Variants in PDE4D observed in about 807,000 individuals in gnomAD.
The protein encoded by PDE4D is 3',5'-cyclic-AMP phosphodiesterase 4D.
A neutral mutation model predicts 87.4 loss-of-function variants in PDE4D; 24 were observed. The observed-to-expected ratio is 0.27, with a 90% confidence interval of 0.20 to 0.39. The LOEUF (loss-of-function observed/expected upper bound fraction) is 0.39, where lower values mean the gene tolerates loss of function less well. Among genes scored for constraint, PDE4D ranks in the 10% least tolerant of loss-of-function variants. The pLI is 1.00. For missense variants in PDE4D, 714 were observed against 1,041.0 expected (o/e 0.69, Z 4.32); for synonymous variants, 384 against 383.2 (o/e 1.00, Z -0.02).
intron 2 of PDE4D, among the ~76,000 whole-genome samples, chr5:60,169,210 C>A (rs753138430): frequency 6.6e-5 from 10 of 151,942 alleles, no homozygotes; most frequent in Non-Finnish European, 1.2e-4. Context: ...AAGAGAAAAA[C>A]CATAAGAATG....
chr5:59,709,344 C>A (rs530996271), intron 1 of PDE4D, among the ~76,000 whole-genome samples: 55 of 152,254 alleles, frequency 3.6e-4, no homozygotes, highest in African/African-American at 1.3e-3. Flanking sequence ...AGTTATTTCA[C>A]AGCTGAAAGC....
chr5:60,138,185 T>C (rs1780214991), intron 2 of PDE4D, among the ~76,000 whole-genome samples: 1 of 152,176 alleles, frequency 6.6e-6, no homozygotes, highest in Non-Finnish European at 1.5e-5. Context: ...TTGGTTACTG[T>C]ATTCCTGTAG....
chr5:60,457,570 T>C (rs1483904689), intron 1 of PDE4D, among the ~76,000 whole-genome samples: 1 of 152,190 alleles, frequency 6.6e-6, no homozygotes, highest in Non-Finnish European at 1.5e-5. Context: ...TTATTCTTCC[T>C]ATGTAAGAGT....
intron 1 of PDE4D, among the ~76,000 whole-genome samples, chr5:59,814,514 T>TGGTGGC (rs1768755855): frequency 6.6e-6 from 1 of 151,980 alleles, no homozygotes; most frequent in African/African-American, 2.4e-5. Context: ...TGCCAGTGAG[T>TGGTGGC]CACATGCAGG....
chr5:60,190,500 T>G (rs756247502), intron 1 of PDE4D, among the ~76,000 whole-genome samples: 3 of 152,198 alleles, frequency 2.0e-5, no homozygotes, highest in Non-Finnish European at 2.9e-5. Flanking sequence ...TAGAGTGCTG[T>G]TTATCTGAAG....
chr5:60,052,467 G>T (rs1383858583), intron 2 of PDE4D, among the ~76,000 whole-genome samples: 1 of 152,070 alleles, frequency 6.6e-6, no homozygotes, highest in African/African-American at 2.4e-5. Flanking sequence ...ATGCAGAAAA[G>T]GCCTTTGATA....
At chr5:59,799,571 T>G (rs996144588) in intron 1 of PDE4D, among the ~76,000 whole-genome samples, 4 of 152,178 alleles carry the variant, frequency 2.6e-5, no homozygotes, top group African/African-American at 9.7e-5. Context: ...TGGTTATAAG[T>G]GACTTTTAGA....
chr5:59,509,564 T>A (rs1011864560), intron 1 of PDE4D, among the ~76,000 whole-genome samples: 1 of 151,662 alleles, frequency 6.6e-6, no homozygotes, highest in Non-Finnish European at 1.5e-5. Context: ...TCTATTCTTT[T>A]GTATTTTCTC....
intron 1 of PDE4D, among the ~76,000 whole-genome samples, chr5:59,682,257 T>C (rs1412855485): frequency 1.3e-5 from 2 of 152,238 alleles, no homozygotes; most frequent in Non-Finnish European, 2.9e-5. Flanking sequence ...AAATGCTTTT[T>C]AATTACAAAG....
chr5:59,716,915 T>C (rs1398411997), intron 1 of PDE4D, among the ~76,000 whole-genome samples: 1 of 152,202 alleles, frequency 6.6e-6, no homozygotes, highest in Non-Finnish European at 1.5e-5. Context: ...TCACGACAGC[T>C]GTACACTCTA....
At chr5:60,106,545 C>T (rs565669274) in intron 2 of PDE4D, among the ~76,000 whole-genome samples, 1 of 152,154 alleles carries the variant, frequency 6.6e-6, no homozygotes, top group Admixed American at 6.5e-5. Flanking sequence ...CCCAAATCAA[C>T]AGAATATACA....
At chr5:59,890,848 T>A (rs1400076021) in intron 1 of PDE4D, among the ~76,000 whole-genome samples, 1 of 152,248 alleles carries the variant, frequency 6.6e-6, no homozygotes, top group Non-Finnish European at 1.5e-5. Flanking sequence ...TTAATAAATG[T>A]AAAATTTCTT....
intron 1 of PDE4D, among the ~76,000 whole-genome samples, chr5:59,604,495 C>A (rs978974505): frequency 1.3e-5 from 2 of 151,874 alleles, no homozygotes; most frequent in African/African-American, 4.8e-5. Context: ...ATTAATGCAA[C>A]GTAAGCTGGG....
intron 1 of PDE4D, among the ~76,000 whole-genome samples, chr5:60,413,663 G>A (rs1742227888): frequency 6.6e-6 from 1 of 151,686 alleles, no homozygotes; most frequent in African/African-American, 2.4e-5. Context: ...TGCCATGGAT[G>A]TAAGAGAATT....
chr5:60,041,734 T>C (rs1768504594), intron 2 of PDE4D, among the ~76,000 whole-genome samples: 1 of 152,112 alleles, frequency 6.6e-6, no homozygotes, highest in Non-Finnish European at 1.5e-5. Flanking sequence ...AGGGAAGCCA[T>C]GAGGGACTGT....
intron 2 of PDE4D, among the ~76,000 whole-genome samples, chr5:60,038,998 A>T (rs1445996991): frequency 6.6e-6 from 1 of 150,848 alleles, no homozygotes; most frequent in Non-Finnish European, 1.5e-5. Context: ...GGGACTGTAA[A>T]CTAGTTCAAC....
At chr5:59,543,447 A>G (rs1816706327) in intron 1 of PDE4D, among the ~76,000 whole-genome samples, 1 of 152,184 alleles carries the variant, frequency 6.6e-6, no homozygotes, top group African/African-American at 2.4e-5. Context: ...AGTGAAATTC[A>G]TATTCAACTC....
At chr5:59,731,343 G>GCC (rs1388666213) in intron 1 of PDE4D, among the ~76,000 whole-genome samples, 6 of 151,866 alleles carry the variant, frequency 4.0e-5, no homozygotes, top group African/African-American at 7.3e-5. Context: ...GAGCAGTATC[G>GCC]CCAATGGTCG....
intron 2 of PDE4D, among the ~76,000 whole-genome samples, chr5:60,179,920 TAGAG>T (rs893905264): frequency 3.3e-5 from 5 of 152,208 alleles, no homozygotes; most frequent in Non-Finnish European, 7.4e-5. Flanking sequence ...CACTTTGTTA[TAGAG>T]AGATTTTGTC....
Sources: gnomAD v4.1 joint callset for allele counts (sites outside exome capture counted in the v4.1 genomes callset) on GRCh38, gnomAD v4.1.1 for gene constraint, MANE v1.5 for transcripts, NCBI Gene and HGNC (gene_info 2026-07-23, HGNC 2026-07-21) for gene names.